NEIL3: variants seen among roughly 807,000 people sequenced by gnomAD.
NEIL3 encodes the protein nei like DNA glycosylase 3, also known as endonuclease 8-like 3.
A neutral mutation model predicts 57.5 loss-of-function variants in NEIL3; 48 were observed. The observed-to-expected ratio is 0.83, with a 90% confidence interval of 0.66 to 1.06. The LOEUF (loss-of-function observed/expected upper bound fraction) is 1.06, where lower values mean the gene tolerates loss of function less well. NEIL3 is among the 50% of genes least tolerant of loss of function. NEIL3 has a pLI of 0.00. For missense variants in NEIL3, 717 were observed against 739.1 expected, an observed-to-expected ratio of 0.97 and a Z score of 0.35; for synonymous variants, 261 against 253.2, an observed-to-expected ratio of 1.03 and a Z score of -0.29.
At chr4:177,311,918 T>C (rs1037805323) in intron 1 of NEIL3, among the ~76,000 whole-genome samples, 1 of 152,158 alleles carries the variant, frequency 6.6e-6, no homozygotes, top group African/African-American at 2.4e-5. Context: ...CTTAGGGATA[T>C]CATCATTTAC....
At position 177,338,004 on chromosome 4, in the gene NEIL3, C is replaced by T. The variant is rs184637967; in HGVS notation, c.627+1683C>T. 6.7e-3 allele frequency among the ~76,000 whole-genome samples: 971 copies of T among 144,274 alleles called. 8 individuals carry two copies. The highest frequency in any genetic ancestry group is 0.01 in the Non-Finnish European group (677 of 66,678). The allele number at this position is 144,274 out of a possible 152,430, so 94.6% of individuals were successfully genotyped here. ...ACTGCACTGCAGTCTGGCAACAGAGCGAGACTCTGTCTCTCTCTCTCACAC... is the reference window on the plus strand; with the variant it reads ...ACTGCACTGCAGTCTGGCAACAGAGTGAGACTCTGTCTCTCTCTCTCACAC... On this transcript the variant is annotated intron_variant, in intron 4 of 9. Transcript: ENST00000264596.
chr4:177,341,668 C>T (rs778231427), intron 6 of NEIL3, 26 bp downstream of exon 6: 1 of 1,589,384 alleles, frequency 6.3e-7, no homozygotes, highest in East Asian at 2.3e-5. Flanking sequence ...TAAAGGGATA[C>T]CATTTGCCCT....
chr4:177,346,411 C>T (rs1427473902), intron 6 of NEIL3, among the ~76,000 whole-genome samples: 2 of 152,108 alleles, frequency 1.3e-5, no homozygotes, highest in Non-Finnish European at 2.9e-5. Context: ...TCCAGCAATC[C>T]TCCTGCCTCA....
Position 177,335,782 on chromosome 4 carries a change from A to G in NEIL3, c.373A>G (p.Lys125Glu), listed in dbSNP as rs750336155. The G allele has an allele frequency of 1.3e-6, 2 of 1,584,314 alleles. No individual in the cohort carries two copies. Among genetic ancestry groups the G allele is most frequent in the South Asian group, 2.4e-5 (2 of 84,922 alleles). ...TCCTGTTTTGGAAGTGCAGCTCACC[A>G]AAGATTTGATTTGTTTCTTTGACTC... Reference protein sequence around the residue: ...ASPVLEVQLTKDLICFFDSSV... With the variant: ...ASPVLEVQLTEDLICFFDSSV... The change falls in exon 3 of 10, where the codon AAA (lysine) becomes GAA (glutamate). Residue 125 changes from lysine (K) to glutamate (E), a missense_variant. By Grantham distance (56) the Lys-to-Glu change is moderately conservative (BLOSUM62 1). Transcript: ENST00000264596.
intron 7 of NEIL3, 56 bp downstream of exon 7, chr4:177,351,605 A>G: frequency 7.4e-7 from 1 of 1,348,384 alleles, no homozygotes; most frequent in East Asian, 2.3e-5. Context: ...TTAATTATAC[A>G]AAGTCAGGAA....
At chr4:177,312,088 A>C (rs1295541561) in intron 1 of NEIL3, among the ~76,000 whole-genome samples, 1 of 152,146 alleles carries the variant, frequency 6.6e-6, no homozygotes, top group Non-Finnish European at 1.5e-5. Context: ...ATTTCCTTTT[A>C]AGTTTTGTTG....
At chr4:177,332,993 G>A (rs1003894727) in intron 2 of NEIL3, among the ~76,000 whole-genome samples, 1 of 151,734 alleles carries the variant, frequency 6.6e-6, no homozygotes, top group Non-Finnish European at 1.5e-5. Context: ...TTCACTTTCA[G>A]CCTTCTGCAT....
At chr4:177,313,670 A>T (rs753521617) in intron 1 of NEIL3, among the ~76,000 whole-genome samples, 1 of 152,210 alleles carries the variant, frequency 6.6e-6, no homozygotes, top group Non-Finnish European at 1.5e-5. Context: ...ACAAAACAGG[A>T]TATGAAACAG....
rs1362333089 is a variant in NEIL3 at position 177,351,408 on chromosome 4, A to T, written c.898A>T (p.Ser300Cys). ...CKLPTRNTII[S>C]WTSSRVDHVM... ...GCTACCGACTAGAAATACTATAATC[A>T]GTTGGACATCTAGCAGGGTGGATCA... is the stretch of plus-strand genomic sequence containing the variant. Residue 300 changes from serine (S) to cysteine (C), a missense_variant, in exon 7 of 10, where the codon AGT becomes TGT. Ser to Cys is a moderately radical substitution (Grantham distance 112, BLOSUM62 -1). Transcript: ENST00000264596. The T allele has an allele frequency of 1.2e-6, 2 of 1,612,544 alleles. No individual in the cohort carries two copies. Among genetic ancestry groups the T allele is most frequent in the Non-Finnish European group, 1.7e-6 (2 of 1,179,394 alleles).
At chr4:177,368,536 C>T in the NEIL3 span, among the ~76,000 whole-genome samples, 19 of 152,314 alleles carry the variant, frequency 1.2e-4, no homozygotes, top group African/African-American at 4.1e-4. Flanking sequence ...TTAATGTTCA[C>T]TTGCTTAAGA....
At chr4:177,329,577 G>A (rs1484082297) in intron 2 of NEIL3, among the ~76,000 whole-genome samples, 1 of 152,124 alleles carries the variant, frequency 6.6e-6, no homozygotes, top group African/African-American at 2.4e-5. Context: ...AAGATGTAAA[G>A]CAAGAACTGC....
chr4:177,318,677 A>C (rs1238100498), intron 1 of NEIL3, among the ~76,000 whole-genome samples: 3 of 152,196 alleles, frequency 2.0e-5, no homozygotes, highest in African/African-American at 7.2e-5. Context: ...CAATTCCTTG[A>C]TGAAATTATG....
chr4:177,332,163 G>A (rs938178706), intron 2 of NEIL3, among the ~76,000 whole-genome samples: 2 of 152,166 alleles, frequency 1.3e-5, no homozygotes, highest in African/African-American at 4.8e-5. Flanking sequence ...GCTGTCCCTT[G>A]CCCTCCTATG....
intron 2 of NEIL3, among the ~76,000 whole-genome samples, chr4:177,329,275 T>G (rs956282305): frequency 1.3e-5 from 2 of 152,098 alleles, no homozygotes; most frequent in Non-Finnish European, 2.9e-5. Context: ...ACATTAAATA[T>G]AAATAATCTA....
At position 177,310,036 on chromosome 4, in the gene NEIL3, G is replaced by A. The variant is rs1734445900; in HGVS notation, c.83G>A (p.Arg28Gln). The A allele has an allele frequency of 6.2e-7, 1 of 1,610,088 alleles. No individual in the cohort carries two copies. Among genetic ancestry groups the A allele is most frequent in the Non-Finnish European group, 8.5e-7 (1 of 1,178,850 alleles). ...CCGGGCCAGGCGGTGACCGGCGTGC[G>A]GGGAAGCGCTCTGCGGAGTCTGCAG... is the stretch of plus-strand genomic sequence containing the variant. ...VLPGQAVTGV[R>Q]GSALRSLQGR... is the part of the protein sequence containing the mutation. The change falls in exon 1 of 10, where the codon CGG becomes CAG. Residue 28 changes from arginine (R) to glutamine (Q), a missense_variant. Arg to Gln is a conservative substitution (Grantham distance 43, BLOSUM62 1). Transcript: ENST00000264596.
In NEIL3 at chr4:177,310,088, C is replaced by G; in HGVS notation, c.135C>G (p.Ser45=). ...LQGRALRLAA[S]TVVVSPQAAA... The stretch of plus-strand genomic sequence containing the variant: ...GCCGCGCCTTGCGGCTCGCAGCCTC[C>G]ACGGTTGTGGTCTCCCCGCAGGTGA... Residue 45 remains serine, a synonymous_variant, in exon 1 of 10, where the codon TCC becomes TCG. Coordinates refer to ENST00000264596, the MANE Select transcript of NEIL3 (RefSeq NM_018248.3). 6.3e-7 allele frequency: 1 copy of G among 1,594,312 alleles called. No homozygotes were observed. The highest frequency in any genetic ancestry group is 8.5e-7 in the Non-Finnish European group (1 of 1,171,878).
At position 177,362,411 on chromosome 4, in the gene NEIL3, A is replaced by G; in HGVS notation, c.1758A>G (p.Gln586=). Residue 586 remains glutamine, a synonymous_variant, in exon 10 of 10, where the codon CAA becomes CAG. Transcript: ENST00000264596. ...TGTGTCCTCTTGGGAAGGAAAAACAATGCAATTTTTTCCAGTGGGCAGAAA... is the reference window on the plus strand; with the variant it reads ...TGTGTCCTCTTGGGAAGGAAAAACAGTGCAATTTTTTCCAGTGGGCAGAAA... ...FFVCPLGKEK[Q]CNFFQWAENG... is the part of the protein sequence containing the mutation. 1 of 1,613,696 alleles carries G rather than the reference A, an allele frequency of 6.2e-7. No individual in the cohort carries two copies. The highest frequency in any genetic ancestry group is 1.1e-5 in the South Asian group (1 of 90,990).
At chr4:177,330,874 TAATAACATTTCCAGTG>T (rs1734871938) in intron 2 of NEIL3, among the ~76,000 whole-genome samples, 1 of 152,230 alleles carries the variant, frequency 6.6e-6, no homozygotes, top group African/African-American at 2.4e-5. Context: ...TAATTTGAAC[TAATAACATTTCCAGTG>T]CTCACTTGCC....
downstream of NEIL3, among the ~76,000 whole-genome samples, chr4:177,364,831 G>A (rs375913813): frequency 1.2e-4 from 19 of 152,106 alleles, 1 homozygote; most frequent in Middle Eastern, 6.8e-3. Context: ...TGGAGGCTGA[G>A]GCAGTAGAAT....
Sources: gnomAD v4.1 joint callset for allele counts (sites outside exome capture counted in the v4.1 genomes callset) on GRCh38, gnomAD v4.1.1 for gene constraint, MANE v1.5 for transcripts, NCBI Gene and HGNC (gene_info 2026-07-23, HGNC 2026-07-21) for gene names.